Variants in NEURL1B observed in about 807,000 individuals in gnomAD.
NEURL1B encodes the protein neuralized E3 ubiquitin protein ligase 1B.
In NEURL1B, 13 loss-of-function variants were observed where a neutral mutation model predicts 37.4. The observed-to-expected ratio is 0.35, with a 90% CI of 0.23 to 0.55. NEURL1B has a LOEUF of 0.55. NEURL1B is among the 20% of genes least tolerant of loss of function. The pLI, the probability that NEURL1B is intolerant of heterozygous loss-of-function variation, is 0.89. For missense variants in NEURL1B, 790 were observed against 879.2 expected (o/e 0.90, Z 1.28); for synonymous variants, 432 against 426.6 (o/e 1.01, Z -0.16).
chr5:172,646,053 G>A (rs1757555424), intron 1 of NEURL1B, among the ~76,000 whole-genome samples: 1 of 152,194 alleles, frequency 6.6e-6, no homozygotes, highest in Non-Finnish European at 1.5e-5. Context: ...TGTGAGATGT[G>A]TGTTTTGTGT....
At chr5:172,673,814 CAAA>C (rs34986749) in intron 2 of NEURL1B, among the ~76,000 whole-genome samples, 6 of 124,418 alleles carry the variant, frequency 4.8e-5, no homozygotes, top group East Asian at 2.3e-4. Flanking sequence ...CGTACTTATG[CAAA>C]AAAAAAAAAA....
At chr5:172,655,847 C>G (rs1009761146) in intron 1 of NEURL1B, among the ~76,000 whole-genome samples, 1 of 151,888 alleles carries the variant, frequency 6.6e-6, no homozygotes, top group Non-Finnish European at 1.5e-5. Flanking sequence ...CTCACAAGAA[C>G]CAGAGACCGC....
intron 2 of NEURL1B, among the ~76,000 whole-genome samples, chr5:172,678,052 G>T (rs146482091): frequency 6.6e-6 from 1 of 152,042 alleles, no homozygotes; most frequent in East Asian, 1.9e-4. Context: ...GACCTCTCCC[G>T]GCTGTGTGAA....
chr5:172,690,068 C>A lies in NEURL1B; in HGVS notation c.*3143C>A, dbSNP rs549388588. The A allele has an allele frequency of 6.6e-6, 1 of 152,358 alleles. No individual in the cohort carries two copies. The highest frequency in any genetic ancestry group is 2.4e-5 in the African/African-American group (1 of 41,462). 9.4% of individuals were successfully genotyped at this position (152,358 alleles called of 1,614,324 possible). ...GAGCACCCCCTCACGTGACCCAGCC[C>A]TCGGCTGTTCCAGGCTCACTGCCCA... is the stretch of plus-strand genomic sequence containing the variant. On this transcript the variant is annotated 3_prime_UTR_variant, in exon 5 of 5. Coordinates refer to ENST00000369800, the MANE Select transcript of NEURL1B (RefSeq NM_001142651.3).
intron 3 of NEURL1B, among the ~76,000 whole-genome samples, chr5:172,685,613 T>C (rs1758476727): frequency 6.6e-6 from 1 of 152,168 alleles, no homozygotes; most frequent in Admixed American, 6.5e-5. Context: ...GTATATTGGG[T>C]GAGTTCAGGA....
rs1014603773 is a variant in NEURL1B, at chr5:172,687,093, G to C, written c.*168G>C. 4.9e-6 allele frequency: 4 copies of C among 816,876 alleles called. No homozygotes were observed. The African/African-American group carries it at 6.9e-5, about 14-fold the overall frequency. The allele number at this position is 816,876 out of a possible 1,614,324, so 50.6% of individuals were successfully genotyped here. ...GGCCCACAGGGCCTCAGCCCAGGCA[G>C]GGGTTGCTTCTGGCTCCAAAGTGCT... On this transcript the variant is annotated 3_prime_UTR_variant, in exon 5 of 5. Transcript: ENST00000369800.
At chr5:172,662,318 A>C (rs975679437) in intron 1 of NEURL1B, 10 of 154,150 alleles carry the variant, frequency 6.5e-5, no homozygotes, top group African/African-American at 1.7e-4. Flanking sequence ...CAGCTAATAA[A>C]TAAGCAAAAC....
chr5:172,683,352 G>A lies in NEURL1B; in HGVS notation c.578-67G>A, dbSNP rs1293361619. The A allele has an allele frequency of 4.7e-6, 6 of 1,263,182 alleles. No homozygotes were observed. In the African/African-American group the frequency reaches 6.2e-5, roughly 13 times the overall value. The allele number at this position is 1,263,182 out of a possible 1,614,324, so 78.2% of individuals were successfully genotyped here. On this transcript the variant is annotated intron_variant, in intron 2 of 4. Coordinates refer to ENST00000369800, the MANE Select transcript of NEURL1B (RefSeq NM_001142651.3). The surrounding 1 kb of genome is among the most constrained non-coding windows in gnomAD (Gnocchi z 5.6). The stretch of plus-strand genomic sequence containing the variant: ...GAGGCCTGCAGGAGGCAGCGGGCGA[G>A]GAGGGGCTCGCGACCAGCCTGACGC...
chr5:172,686,630 C>A lies in NEURL1B; in HGVS notation c.1424-51C>A. The stretch of plus-strand genomic sequence containing the variant: ...CATTCTCGGGGTTGCCCCAACAGAG[C>A]CCACCTGAGAGAGACATTGTTAACA... On this transcript the variant is annotated intron_variant, in intron 4 of 4. Coordinates refer to ENST00000369800, the MANE Select transcript of NEURL1B (RefSeq NM_001142651.3). This position sits in a 1 kb window ranked among gnomAD's most constrained non-coding sequence, Gnocchi z 7.9. 6.6e-7 allele frequency: 1 copy of A among 1,519,576 alleles called. No individual in the cohort carries two copies. The highest frequency in any genetic ancestry group is 1.4e-5 in the African/African-American group (1 of 72,664). 94.1% of individuals were successfully genotyped at this position (1,519,576 alleles called of 1,614,324 possible). A position where few individuals can be genotyped will look rare whatever the true frequency, so the allele number is the denominator to read the frequency against.
At position 172,665,696 on chromosome 5, in the gene NEURL1B, C is replaced by T. The variant is rs115660812; in HGVS notation, c.32-4089C>T. Among the ~76,000 whole-genome samples, 1 of 152,054 alleles carries T rather than the reference C, an allele frequency of 6.6e-6. No individual in the cohort carries two copies. The highest frequency in any genetic ancestry group is 1.5e-5 in the Non-Finnish European group (1 of 67,994). Reference sequence around the variant, plus strand: ...CCTACCGTATCACTTTACCCTCCCCCCAAATTCCAGCCTCCCCCTGCCTCT... The same window carrying T: ...CCTACCGTATCACTTTACCCTCCCCTCAAATTCCAGCCTCCCCCTGCCTCT... On this transcript the variant is annotated intron_variant, in intron 1 of 4. Coordinates refer to ENST00000369800, the MANE Select transcript of NEURL1B (RefSeq NM_001142651.3). The surrounding 1 kb of genome is among the most constrained non-coding windows in gnomAD (Gnocchi z 4.1).
rs533989504 is a variant in NEURL1B, at chr5:172,643,918, C to T, written c.31+2481C>T. On this transcript the variant is annotated intron_variant, in intron 1 of 4. Coordinates refer to ENST00000369800, the MANE Select transcript of NEURL1B (RefSeq NM_001142651.3). Reference sequence around the variant, plus strand: ...TTCTGCACTTCCTGATCCCTCTCCCCGGCACATTCTTCTGCCCTCCTCCCC... The same window carrying T: ...TTCTGCACTTCCTGATCCCTCTCCCTGGCACATTCTTCTGCCCTCCTCCCC... 5.3e-5 allele frequency among the ~76,000 whole-genome samples: 8 copies of T among 152,128 alleles called. No homozygotes were observed. In the East Asian group the frequency reaches 9.7e-4, roughly 18 times the overall value.
At chr5:172,664,985 C>A (rs1161053835) in intron 1 of NEURL1B, among the ~76,000 whole-genome samples, 1 of 152,210 alleles carries the variant, frequency 6.6e-6, no homozygotes, top group Non-Finnish European at 1.5e-5. Context: ...AGAAACAAGG[C>A]AGTACTTCTC....
intron 3 of NEURL1B, among the ~76,000 whole-genome samples, chr5:172,685,011 C>G (rs1758464508): frequency 6.6e-6 from 1 of 152,192 alleles, no homozygotes; most frequent in African/African-American, 2.4e-5. Context: ...AAATCAGTAT[C>G]ATTATCCCCA....
At chr5:172,682,532 C>T (rs1161311304) in intron 2 of NEURL1B, among the ~76,000 whole-genome samples, 1 of 152,142 alleles carries the variant, frequency 6.6e-6, no homozygotes, top group South Asian at 2.1e-4. Context: ...GCCGAGATCG[C>T]GCCATTGCAC....
At chr5:172,680,592 T>G (rs2113325787) in intron 2 of NEURL1B, among the ~76,000 whole-genome samples, 2 of 152,300 alleles carry the variant, frequency 1.3e-5, no homozygotes, top group South Asian at 4.2e-4. Context: ...TTATATGCCT[T>G]TTTTCTGATT....
Position 172,683,505 on chromosome 5 carries a change from G to A in NEURL1B, c.664G>A (p.Ala222Thr). Reference sequence around the variant, plus strand: ...CCTGCCGCCCAGCAGCCACGACGCGGCCAACTTCGACAACAACGAGCTCGA... The same window carrying A: ...CCTGCCGCCCAGCAGCCACGACGCGACCAACTTCGACAACAACGAGCTCGA... The part of the protein sequence containing the change: ...ACLPPSSHDA[A>T]NFDNNELENN... The change falls in exon 3 of 5, where the codon GCC becomes ACC. Residue 222 changes from alanine (A) to threonine (T), a missense_variant. This residue lies in a region of NEURL1B where 460 missense variants were observed against 407.4 expected (regional missense o/e 1.13). Transcript: ENST00000369800. The surrounding 1 kb of genome is among the most constrained non-coding windows in gnomAD (Gnocchi z 5.6). The A allele has an allele frequency of 6.7e-7, 1 of 1,502,764 alleles. No individual in the cohort carries two copies. The highest frequency in any genetic ancestry group is 8.8e-7 in the Non-Finnish European group (1 of 1,130,956). The allele number at this position is 1,502,764 out of a possible 1,614,324, so 93.1% of individuals were successfully genotyped here.
intron 1 of NEURL1B, among the ~76,000 whole-genome samples, chr5:172,660,246 G>A (rs376763897): frequency 1.3e-5 from 2 of 152,342 alleles, no homozygotes; most frequent in African/African-American, 4.8e-5. Context: ...GCCCGGCAGA[G>A]GGTCGGAGTC....
intron 3 of NEURL1B, among the ~76,000 whole-genome samples, chr5:172,685,079 C>A (rs990323977): frequency 4.6e-5 from 7 of 152,234 alleles, no homozygotes; most frequent in African/African-American, 1.4e-4. Context: ...GGTCACATCG[C>A]TGGTCAGCTT....
In NEURL1B at chr5:172,676,559, G is replaced by A. The variant is rs1402419451; in HGVS notation, c.577+6229G>A. Among the ~76,000 whole-genome samples, 1 of 152,258 alleles carries A rather than the reference G, an allele frequency of 6.6e-6. No individual in the cohort carries two copies. The highest frequency in any genetic ancestry group is 2.4e-5 in the African/African-American group (1 of 41,474). ...CCCCTCCTGACTCCTGAGGCAATGG[G>A]AGGTGGGGGTGGGGCAGTTCCCTCC... On this transcript the variant is annotated intron_variant, in intron 2 of 4. Coordinates refer to ENST00000369800, the MANE Select transcript of NEURL1B (RefSeq NM_001142651.3). This position sits in a 1 kb window ranked among gnomAD's most constrained non-coding sequence, Gnocchi z 4.5.
Sources: allele counts gnomAD v4.1 joint callset (sites outside exome capture counted in the v4.1 genomes callset), GRCh38; gene constraint gnomAD v4.1.1; regional missense constraint gnomAD v4.1.1; non-coding constraint Gnocchi (gnomAD v3.1); transcripts MANE v1.5; gene names NCBI Gene and HGNC (gene_info 2026-07-23, HGNC 2026-07-21).